CASD1: variants seen among roughly 807,000 people sequenced by gnomAD.
CASD1 encodes N-acetylneuraminate (7)9-O-acetyltransferase.
In CASD1, 41 loss-of-function variants were observed where a neutral mutation model predicts 100.0. The ratio of observed to expected loss-of-function variants is 0.41; its 90% CI spans 0.32 to 0.53. CASD1 has a LOEUF of 0.53. CASD1 is among the 20% of genes least tolerant of loss of function. The probability of loss-of-function intolerance (pLI) is 0.25; values close to 1 mark genes in which losing one functional copy is unlikely to be tolerated. For missense variants in CASD1, 774 were observed against 948.7 expected, an observed-to-expected ratio of 0.82 and a Z score of 2.42; for synonymous variants, 321 against 315.6, an observed-to-expected ratio of 1.02 and a Z score of -0.18.
chr7:94,599,873 C>T, the CASD1 span: 1 of 679,322 alleles, frequency 1.5e-6, no homozygotes, highest in Admixed American at 2.1e-5. Context: ...AGGTTTATGA[C>T]ATTGCTTGGA....
At chr7:94,544,217 C>G (rs1171124673) in intron 10 of CASD1, among the ~76,000 whole-genome samples, 194 bp from the exon 11 acceptor site, 5 of 152,162 alleles carry the variant, frequency 3.3e-5, no homozygotes, top group Non-Finnish European at 7.4e-5. Context: ...GAATTTGAAG[C>G]TAGGTCTCTC....
chr7:94,619,739 A>AT, the CASD1 span: 7 of 152,184 alleles, frequency 4.6e-5, no homozygotes, highest in Non-Finnish European at 7.3e-5. Context: ...ACTTAGGTGA[A>AT]TTAGAACATT....
chr7:94,521,911 C>A (rs1421142434), intron 3 of CASD1, among the ~76,000 whole-genome samples: 1 of 152,144 alleles, frequency 6.6e-6, no homozygotes, highest in Non-Finnish European at 1.5e-5. Flanking sequence ...CGGTGAAACC[C>A]TGTCTCTACT....
Position 94,535,465 on chromosome 7 carries a change from A to T in CASD1, c.785A>T (p.Gln262Leu). Residue 262 changes from glutamine (Q) to leucine (L), a missense_variant, in exon 8 of 18, where the codon CAA (glutamine) becomes CTA (leucine). This residue lies in a region of CASD1 where 453 missense variants were observed against 532.6 expected (regional missense o/e 0.85). Transcript: ENST00000297273. ...TTCAGTGTTTCCAAATTAATTGCTC[A>T]AGAAACCATCATGGAATCTTTGGAT... ...KMFSVSKLIA[Q>L]ETIMESLDGL... 1 of 1,613,788 alleles carries T rather than the reference A, an allele frequency of 6.2e-7. No homozygotes were observed. Among genetic ancestry groups the T allele is most frequent in the Non-Finnish European group, 8.5e-7 (1 of 1,179,822 alleles).
chr7:94,605,314 A>C, the CASD1 span, among the ~76,000 whole-genome samples: 1 of 149,316 alleles, frequency 6.7e-6, no homozygotes, highest in Non-Finnish European at 1.5e-5. Context: ...AAATGATATA[A>C]GTCAGAAACT....
At chr7:94,577,363 A>G in the CASD1 span, among the ~76,000 whole-genome samples, 26 of 152,268 alleles carry the variant, frequency 1.7e-4, 1 homozygote, top group South Asian at 2.9e-3. Context: ...ATTCTTTGTC[A>G]TGTGTAGCCA....
At chr7:94,593,824 A>G in the CASD1 span, among the ~76,000 whole-genome samples, 1 of 152,130 alleles carries the variant, frequency 6.6e-6, no homozygotes, top group Non-Finnish European at 1.5e-5. Context: ...ATGTAGAGGA[A>G]TGTGAATAAC....
At chr7:94,594,206 C>T in the CASD1 span, among the ~76,000 whole-genome samples, 7 of 152,072 alleles carry the variant, frequency 4.6e-5, no homozygotes, top group Admixed American at 6.6e-5. Context: ...ACAAACATAA[C>T]ACCAGTCACA....
downstream of CASD1, among the ~76,000 whole-genome samples, chr7:94,558,717 A>G (rs1330457689): frequency 6.6e-6 from 1 of 152,168 alleles, no homozygotes; most frequent in Non-Finnish European, 1.5e-5. Context: ...GTTTCCAGAA[A>G]AGGAAGTGGT....
chr7:94,566,324 A>C, the CASD1 span, among the ~76,000 whole-genome samples: 1 of 152,206 alleles, frequency 6.6e-6, no homozygotes, highest in Non-Finnish European at 1.5e-5. Flanking sequence ...AATATAATTT[A>C]ATTTTTATCT....
rs184253709 is a variant in CASD1, at chr7:94,510,178, C to G, written c.94C>G (p.Leu32Val). Residue 32 changes from leucine (L) to valine (V), a missense_variant, in exon 1 of 18, where the codon CTG becomes GTG. Physicochemically the swap from Leu to Val is conservative, Grantham distance 32. Transcript: ENST00000297273. ...AKVLALVAVL[L>V]LAACHLASRR... ...GGTGCTGGCGCTGGTGGCCGTGCTG[C>G]TGCTCGCAGCGTGCCACCTCGCCTC... is the stretch of plus-strand genomic sequence containing the variant. 31 of 1,519,070 alleles carry G rather than the reference C, an allele frequency of 2.0e-5. No homozygotes were observed. In the African/African-American group the frequency reaches 4.0e-4, roughly 20 times the overall value. The allele number at this position is 1,519,070 out of a possible 1,614,324, so 94.1% of individuals were successfully genotyped here.
the CASD1 span, among the ~76,000 whole-genome samples, chr7:94,606,562 A>G: frequency 6.6e-6 from 1 of 152,222 alleles, no homozygotes; most frequent in African/African-American, 2.4e-5. Context: ...TCAGAAATGG[A>G]CACAACCAGC....
the CASD1 span, among the ~76,000 whole-genome samples, chr7:94,591,956 A>G: frequency 9.8e-5 from 15 of 152,340 alleles, no homozygotes; most frequent in Admixed American, 9.2e-4. Context: ...CACTCCTTGC[A>G]GTTTCAAAGG....
chr7:94,545,689 A>G lies in CASD1; in HGVS notation c.1621A>G (p.Lys541Glu), dbSNP rs778854490. 6.3e-7 allele frequency: 1 copy of G among 1,587,610 alleles called. No individual in the cohort carries two copies. The highest frequency in any genetic ancestry group is 1.2e-5 in the South Asian group (1 of 85,710). ...AGCACTATGGCCACAAATAATCCAAAAAAAAGCAAACGGTAAATATACTTT... is the reference window on the plus strand; with the variant it reads ...AGCACTATGGCCACAAATAATCCAAGAAAAAGCAAACGGTAAATATACTTT... ...TLALWPQIIQ[K>E]KANGNCFWHF... The change falls in exon 12 of 18, where the codon AAA (lysine) becomes GAA (glutamate). Residue 541 changes from lysine (K) to glutamate (E), a missense_variant. Lys to Glu is a moderately conservative substitution (Grantham distance 56). Coordinates refer to ENST00000297273, the MANE Select transcript of CASD1 (RefSeq NM_022900.5).
the CASD1 span, among the ~76,000 whole-genome samples, chr7:94,569,632 A>G: frequency 2.0e-5 from 3 of 151,650 alleles, no homozygotes; most frequent in Non-Finnish European, 4.4e-5. Context: ...TTGTATAGAT[A>G]GGAGTCTATC....
At chr7:94,522,296 A>G (rs1250780013) in intron 3 of CASD1, among the ~76,000 whole-genome samples, 1 of 152,246 alleles carries the variant, frequency 6.6e-6, no homozygotes, top group Non-Finnish European at 1.5e-5. Context: ...GTTAAGTCAT[A>G]TTAGTATAAG....
chr7:94,519,816 C>T lies in CASD1; in HGVS notation c.351+1493C>T, dbSNP rs117504793. On this transcript the variant is annotated intron_variant, in intron 3 of 17. Coordinates refer to ENST00000297273, the MANE Select transcript of CASD1 (RefSeq NM_022900.5). ...GCCACTGTGCCCAGCCTTTAGTAAA[C>T]TTTTAAAAAGTAGAGAGATTTCTGA... Among the ~76,000 whole-genome samples, 102 of 152,242 alleles carry T rather than the reference C, an allele frequency of 6.7e-4. No individual in the cohort carries two copies. In the East Asian group the frequency reaches 0.018, roughly 27 times the overall value.
At chr7:94,554,044 C>A (rs947676503) in intron 16 of CASD1, 15 of 153,340 alleles carry the variant, frequency 9.8e-5, no homozygotes. Context: ...ATTTCCCGTA[C>A]TATCATGGCT....
rs1010028941 is a variant in CASD1, at chr7:94,542,883, A to G, written c.1357-1528A>G. 5.3e-5 allele frequency among the ~76,000 whole-genome samples: 8 copies of G among 152,248 alleles called. No individual in the cohort carries two copies. In the East Asian group the frequency reaches 1.5e-3, roughly 29 times the overall value. The stretch of plus-strand genomic sequence containing the variant: ...GTTACACCCTCATTGAAAATTTCTG[A>G]TCTAATAAGTCATTTAAAAAGAACT... On this transcript the variant is annotated intron_variant, in intron 10 of 17. Transcript: ENST00000297273.
Sources: gnomAD v4.1 joint callset for allele counts (sites outside exome capture counted in the v4.1 genomes callset) on GRCh38, gnomAD v4.1.1 for gene constraint, gnomAD v4.1.1 regional missense constraint, MANE v1.5 for transcripts, NCBI Gene and HGNC (gene_info 2026-07-23, HGNC 2026-07-21) for gene names.